NCOA1: variants seen among roughly 807,000 people sequenced by gnomAD.
The protein encoded by NCOA1 is nuclear receptor coactivator 1, also known as Hin-2 protein.
NCOA1 carries 35 observed loss-of-function variants against 150.9 expected under a neutral mutation model. The observed-to-expected ratio is 0.23, with a 90% confidence interval of 0.18 to 0.31. NCOA1 has a LOEUF of 0.31. NCOA1 is among the 10% of genes least tolerant of loss of function. The pLI, the probability that NCOA1 is intolerant of heterozygous loss-of-function variation, is 1.00. For missense variants in NCOA1, 1,491 were observed against 1,749.3 expected (o/e 0.85, Z 2.63); for synonymous variants, 590 against 630.0 (o/e 0.94, Z 0.95).
intron 3 of NCOA1, among the ~76,000 whole-genome samples, chr2:24,639,866 C>T (rs1340091390): frequency 2.3e-5 from 3 of 127,666 alleles, no homozygotes; most frequent in African/African-American, 9.1e-5. Context: ...CCAGCCCGGG[C>T]GACAGTGCGA....
intron 3 of NCOA1, among the ~76,000 whole-genome samples, chr2:24,635,770 A>G (rs997653570): frequency 5.3e-5 from 8 of 152,200 alleles, no homozygotes; most frequent in Non-Finnish European, 5.9e-5. Context: ...ACAATGGGCT[A>G]ATCTAACTAT....
At chr2:24,610,124 C>CTTTTTTTTTTTTTT (rs775178797) in intron 3 of NCOA1, among the ~76,000 whole-genome samples, 8 of 90,212 alleles carry the variant, frequency 8.9e-5, no homozygotes, top group African/African-American at 2.1e-4. Context: ...AGGCTGCATT[C>CTTTTTTTTTTTTTT]TTTTTTTTTT....
intron 7 of NCOA1, among the ~76,000 whole-genome samples, chr2:24,679,014 G>A (rs1256665198): frequency 6.6e-6 from 1 of 152,152 alleles, no homozygotes; most frequent in Non-Finnish European, 1.5e-5. Context: ...ATAGTTTTGG[G>A]TGATGTCTTT....
intron 19 of NCOA1, among the ~76,000 whole-genome samples, chr2:24,742,391 G>A (rs1663650581): frequency 6.6e-6 from 1 of 152,096 alleles, no homozygotes. Context: ...TTTTAGCTGA[G>A]ATGATTGAAT....
chr2:24,751,582 C>CG (rs202035427), intron 19 of NCOA1, among the ~76,000 whole-genome samples: 1,986 of 143,938 alleles, frequency 0.014, 48 homozygotes, highest in African/African-American at 0.049. Context: ...GACTCCATCT[C>CG]GGGGGAAAAA....
In NCOA1 at chr2:24,762,695, T is replaced by G. The variant is rs762785432; in HGVS notation, c.4074T>G (p.Asp1358Glu). 12 of 1,613,828 alleles carry G rather than the reference T, an allele frequency of 7.4e-6. No individual in the cohort carries two copies. Among genetic ancestry groups the G allele is most frequent in the Non-Finnish European group, 1.0e-5 (12 of 1,179,696 alleles). ...MNTVCPEQIN[D>E]PALRHTGLYC... ...GTATTTATCTTTAATAGATAAATGA[T>G]CCCGCACTGAGACACACAGGCCTCT... The change falls in exon 22 of 23, where the codon GAT becomes GAG. Residue 1358 changes from aspartate (D) to glutamate (E), a missense_variant. Transcript: ENST00000348332.
intron 3 of NCOA1, among the ~76,000 whole-genome samples, chr2:24,627,292 C>T (rs1450625767): frequency 2.0e-5 from 3 of 151,786 alleles, no homozygotes; most frequent in Non-Finnish European, 4.4e-5. Context: ...AATGGAATTA[C>T]TTATTAAAAT....
At chr2:24,675,339 T>TA (rs1452334314) in intron 7 of NCOA1, among the ~76,000 whole-genome samples, 5 of 152,204 alleles carry the variant, frequency 3.3e-5, no homozygotes, top group Admixed American at 6.5e-5. Flanking sequence ...CAAAATATCT[T>TA]AAGGAGGCTA....
intron 19 of NCOA1, among the ~76,000 whole-genome samples, chr2:24,747,369 T>TG (rs1663985421): frequency 6.7e-6 from 1 of 150,364 alleles, no homozygotes; most frequent in Non-Finnish European, 1.5e-5. Flanking sequence ...GATAGGGTCT[T>TG]GCTCTGTTGC....
intron 17 of NCOA1, among the ~76,000 whole-genome samples, chr2:24,734,473 C>T (rs1470788363): frequency 2.0e-5 from 3 of 151,966 alleles, no homozygotes; most frequent in Non-Finnish European, 4.4e-5. Flanking sequence ...CTTGCTCTAC[C>T]GATATCAAGA....
Position 24,742,116 on chromosome 2 carries a change from C to G in NCOA1, c.3636C>G (p.Asn1212Lys), listed in dbSNP as rs1306789226. 1.4e-5 allele frequency: 23 copies of G among 1,614,022 alleles called. No individual in the cohort carries two copies. The highest frequency in any genetic ancestry group is 1.9e-5 in the Non-Finnish European group (23 of 1,179,994). The change falls in exon 19 of 23, where the codon AAC becomes AAG. Residue 1212 changes from asparagine (N) to lysine (K), a missense_variant. Transcript: ENST00000348332. ...NSMVSRGMTG[N>K]IGGQFGTGIN... ...TGGTGAGCAGAGGCATGACAGGAAA[C>G]ATAGGAGGACAGTTTGGCACTGGAA...
At chr2:24,600,448 C>A (rs1668066652) in intron 3 of NCOA1, among the ~76,000 whole-genome samples, 1 of 152,228 alleles carries the variant, frequency 6.6e-6, no homozygotes, top group Admixed American at 6.5e-5. Flanking sequence ...CTCAAGTGAT[C>A]CGCACGCCTT....
intron 1 of NCOA1, among the ~76,000 whole-genome samples, chr2:24,528,016 A>G (rs985092928): frequency 3.9e-5 from 6 of 152,048 alleles, no homozygotes; most frequent in African/African-American, 1.4e-4. Flanking sequence ...ATTGAGTTAT[A>G]TGTTTTCTTG....
chr2:24,517,291 C>T (rs1372402717), intron 1 of NCOA1, among the ~76,000 whole-genome samples: 3 of 151,876 alleles, frequency 2.0e-5, no homozygotes, highest in South Asian at 4.2e-4. Flanking sequence ...TCCTTCCGTT[C>T]TGTGTGGAAT....
chr2:24,681,635 T>C (rs925420729), intron 7 of NCOA1, among the ~76,000 whole-genome samples: 2 of 152,142 alleles, frequency 1.3e-5, no homozygotes, highest in Non-Finnish European at 2.9e-5. Context: ...TAAAATTTCA[T>C]CTTAATCCTG....
intron 1 of NCOA1, among the ~76,000 whole-genome samples, chr2:24,519,882 T>G (rs1366890674): frequency 6.6e-6 from 1 of 152,150 alleles, no homozygotes; most frequent in Non-Finnish European, 1.5e-5. Context: ...ATAAAGGATT[T>G]AATTCCAGAA....
At chr2:24,690,995 A>G (rs1171277151) in intron 8 of NCOA1, among the ~76,000 whole-genome samples, 1 of 152,172 alleles carries the variant, frequency 6.6e-6, no homozygotes, top group African/African-American at 2.4e-5. Flanking sequence ...TTTTTGAGTG[A>G]CAGACTCTGA....
chr2:24,764,237 ACCCAGGT>A, intron 22 of NCOA1, among the ~76,000 whole-genome samples: 1 of 152,274 alleles, frequency 6.6e-6, no homozygotes, highest in South Asian at 2.1e-4. Flanking sequence ...TGAGGTTCAA[ACCCAGGT>A]CTTTCTACCG....
At chr2:24,720,824 G>A (rs1324908583) in intron 14 of NCOA1, among the ~76,000 whole-genome samples, 1 of 152,174 alleles carries the variant, frequency 6.6e-6, no homozygotes, top group Non-Finnish European at 1.5e-5. Context: ...CATCACTACT[G>A]TCTACTAGAA....
Sources: gnomAD v4.1 joint callset for allele counts (sites outside exome capture counted in the v4.1 genomes callset) on GRCh38, gnomAD v4.1.1 for gene constraint, MANE v1.5 for transcripts, NCBI Gene and HGNC (gene_info 2026-07-23, HGNC 2026-07-21) for gene names.